TFIP11: variants seen among roughly 807,000 people sequenced by gnomAD.
TFIP11 encodes tuftelin-interacting protein 11.
A neutral mutation model predicts 96.8 loss-of-function variants in TFIP11; 86 were observed. The observed-to-expected ratio is 0.89, with a 90% CI of 0.75 to 1.06. The LOEUF is 1.06. Among genes scored for constraint, TFIP11 ranks in the 50% least tolerant of loss-of-function variants. The pLI is 0.00. For synonymous variants in TFIP11, 405 were observed against 395.2 expected (o/e 1.02, Z -0.29); for missense variants, 881 against 1,076.7 (o/e 0.82, Z 2.54).
chr22:26,506,563 T>G (rs1215071778), intron 5 of TFIP11, 104 bp from the exon 6 acceptor site: 6 of 1,439,490 alleles, frequency 4.2e-6, no homozygotes, highest in Non-Finnish European at 5.6e-6. Flanking sequence ...TACAGCACTA[T>G]GAAAAGTGTC....
intron 4 of TFIP11, among the ~76,000 whole-genome samples, chr22:26,508,148 G>A (rs1435251217): frequency 6.6e-6 from 1 of 152,204 alleles, no homozygotes; most frequent in Non-Finnish European, 1.5e-5. Flanking sequence ...ATAAAGGGAT[G>A]CCTTGTAAAA....
In TFIP11 at chr22:26,501,908, G is replaced by A; in HGVS notation, c.793C>T (p.Gln265Ter). 2 of 1,610,066 alleles carry A rather than the reference G, an allele frequency of 1.2e-6. No homozygotes were observed. The highest frequency in any genetic ancestry group is 1.7e-6 in the Non-Finnish European group (2 of 1,177,920). Residue 265 changes from glutamine (Q) to a stop codon, truncating the protein, a stop_gained, in exon 8 of 15, where the codon CAA (glutamine) becomes TAA (stop). Transcript: ENST00000407690. LOFTEE classifies it high-confidence loss of function. ...TCCAAGGGCCCCTGTACCTTGACTT[G>A]AGAAAGTTCCTTCTGGGGAGCAGTG... is the stretch of plus-strand genomic sequence containing the variant. ...KLTAPQKELS[Q>*]VKVIDMTGRE...
intron 6 of TFIP11, 111 bp downstream of exon 6, chr22:26,506,192 C>A (rs1923383190): frequency 8.1e-7 from 1 of 1,228,222 alleles, no homozygotes; most frequent in African/African-American, 1.5e-5. Context: ...GCAAACCAGG[C>A]TGGAGAGATA....
At chr22:26,495,025 C>T in intron 12 of TFIP11, 86 bp from the exon 13 acceptor site, 1 of 1,570,434 alleles carries the variant, frequency 6.4e-7, no homozygotes, top group South Asian at 1.2e-5. Flanking sequence ...TGTCCGTTTT[C>T]ATCTCAGCTT....
At chr22:26,501,838 A>C in intron 8 of TFIP11, 62 bp downstream of exon 8, 1 of 1,435,544 alleles carries the variant, frequency 7.0e-7, no homozygotes, top group Non-Finnish European at 9.3e-7. Flanking sequence ...AAACCCTCGA[A>C]CATGTTCAGT....
Position 26,496,063 on chromosome 22 carries a change from T to C in TFIP11, c.1849+10A>G, listed in dbSNP as rs779913663. 1 of 1,612,736 alleles carries C rather than the reference T, an allele frequency of 6.2e-7. No homozygotes were observed. The highest frequency in any genetic ancestry group is 8.5e-7 in the Non-Finnish European group (1 of 1,179,496). Reference sequence around the variant, plus strand: ...TGCTGGGCTTGGAATGCATTTCCCCTTATCCTTACCCAGCTTGGGCACTAT... The same window carrying C: ...TGCTGGGCTTGGAATGCATTTCCCCCTATCCTTACCCAGCTTGGGCACTAT... On this transcript the variant is annotated intron_variant, in intron 12 of 14. Coordinates refer to ENST00000407690, the MANE Select transcript of TFIP11 (RefSeq NM_012143.4).
In TFIP11 at chr22:26,506,769, G is replaced by A. The variant is rs780269426; in HGVS notation, c.363+6C>T. ...CCTAGGGTCACAATCCTGCAATAGA[G>A]ACTACCGTTTTTAGCTTCCTTGGTC... On this transcript the variant is annotated splice_donor_region_variant and intron_variant, in intron 5 of 14. Transcript: ENST00000407690. The A allele has an allele frequency of 1.2e-6, 2 of 1,614,028 alleles. No homozygotes were observed. Among genetic ancestry groups the A allele is most frequent in the African/African-American group, 2.7e-5 (2 of 74,922 alleles).
At chr22:26,495,457 G>A (rs1233489167) in intron 12 of TFIP11, among the ~76,000 whole-genome samples, 1 of 151,132 alleles carries the variant, frequency 6.6e-6, no homozygotes, top group Non-Finnish European at 1.5e-5. Context: ...TGTATTTTTG[G>A]TAGAGATGGG....
At position 26,492,335 on chromosome 22, in the gene TFIP11, A is replaced by G. The variant is rs753163860; in HGVS notation, c.2192T>C (p.Ile731Thr). 3.1e-6 allele frequency: 5 copies of G among 1,614,160 alleles called. No homozygotes were observed. The highest frequency in any genetic ancestry group is 4.2e-6 in the Non-Finnish European group (5 of 1,180,020). Residue 731 changes from isoleucine (I) to threonine (T), a missense_variant, in exon 15 of 15, where the codon ATT (isoleucine) becomes ACT (threonine). Transcript: ENST00000407690. ...CCGCTCCGTGTGGGTGAGATAGGCA[A>G]TGTTCTCCCGTGCTCCTGGCTGCAT... is the stretch of plus-strand genomic sequence containing the variant. ...AYMQPGAREN[I>T]AYLTHTERRK...
intron 7 of TFIP11, 163 bp from the exon 8 acceptor site, chr22:26,502,215 T>A: frequency 1.3e-6 from 1 of 765,036 alleles, no homozygotes; most frequent in Admixed American, 2.5e-5. Context: ...ACCAAAACTA[T>A]CTAATGATAC....
intron 13 of TFIP11, 55 bp downstream of exon 13, chr22:26,494,742 A>C: frequency 6.2e-7 from 1 of 1,610,030 alleles, no homozygotes. Flanking sequence ...GCAGAAAATT[A>C]ACTTAATCCC....
At chr22:26,493,886 ACAT>A (rs1921567561) in intron 14 of TFIP11, 1 of 467,830 alleles carries the variant, frequency 2.1e-6, no homozygotes, top group Non-Finnish European at 3.9e-6. Flanking sequence ...GGTTAGACTG[ACAT>A]CATCTGAATC....
chr22:26,509,988 G>C (rs1923855288), intron 4 of TFIP11, 76 bp downstream of exon 4: 2 of 1,475,670 alleles, frequency 1.4e-6, no homozygotes, highest in Non-Finnish European at 1.9e-6. Context: ...ACTTATCAGG[G>C]TATCTCCTCC....
intron 4 of TFIP11, 55 bp downstream of exon 4, chr22:26,510,009 C>T: frequency 6.3e-7 from 1 of 1,582,636 alleles, no homozygotes. Context: ...ACTCCCTGTC[C>T]ATCTTCCCCC....
chr22:26,511,711 G>A (rs1343116054), intron 2 of TFIP11: 1 of 152,196 alleles, frequency 6.6e-6, no homozygotes, highest in Non-Finnish European at 1.5e-5. Context: ...AAGGCACACG[G>A]AGTTCACTAC....
intron 12 of TFIP11, among the ~76,000 whole-genome samples, chr22:26,495,306 G>A (rs538438852): frequency 1.7e-4 from 18 of 106,208 alleles, no homozygotes; most frequent in Non-Finnish European, 2.7e-4. Context: ...GTTGAGACAG[G>A]GTCTCACTGT....
chr22:26,503,837 G>C (rs1200488615), intron 6 of TFIP11, 44 bp from the exon 7 acceptor site: 1 of 1,603,902 alleles, frequency 6.2e-7, no homozygotes, highest in African/African-American at 1.3e-5. Context: ...TACGATCACA[G>C]CAATTCATGT....
Position 26,494,527 on chromosome 22 carries a change from A to G in TFIP11, c.1993-223T>C, listed in dbSNP as rs952531134. The G allele has an allele frequency of 4.3e-6, 3 of 701,348 alleles. No individual in the cohort carries two copies. In the African/African-American group the frequency reaches 5.4e-5, roughly 13 times the overall value. The allele number at this position is 701,348 out of a possible 1,614,324, so 43.4% of individuals were successfully genotyped here. On this transcript the variant is annotated intron_variant, in intron 13 of 14. Coordinates refer to ENST00000407690, the MANE Select transcript of TFIP11 (RefSeq NM_012143.4). Reference sequence around the variant, plus strand: ...GTAAACTCTCTGAGCCTCAGCTTCCATGTCTACACAACAGGGATACCATAT... The same window carrying G: ...GTAAACTCTCTGAGCCTCAGCTTCCGTGTCTACACAACAGGGATACCATAT...
rs145968579 is a variant in TFIP11, at chr22:26,492,075, C to T, written c.2452G>A (p.Val818Ile). Residue 818 changes from valine (V) to isoleucine (I), a missense_variant, in exon 15 of 15, where the codon GTC becomes ATC. By Grantham distance (29) the Val-to-Ile change is conservative (BLOSUM62 3). Transcript: ENST00000407690. ...VIYIDRGVVF[V>I]QGEKTWVPTS... is the part of the protein sequence containing the mutation. The stretch of plus-strand genomic sequence containing the variant: ...GGCACCCACGTCTTCTCGCCCTGGA[C>T]AAAGACCACTCCCCGGTCGATGTAG... The T allele has an allele frequency of 8.7e-6, 14 of 1,612,720 alleles. No individual in the cohort carries two copies. Among genetic ancestry groups the T allele is most frequent in the Non-Finnish European group, 1.1e-5 (13 of 1,179,502 alleles).
Sources: allele counts gnomAD v4.1 joint callset (sites outside exome capture counted in the v4.1 genomes callset), GRCh38; gene constraint gnomAD v4.1.1; transcripts MANE v1.5; gene names NCBI Gene and HGNC (gene_info 2026-07-23, HGNC 2026-07-21).